Variants in GALNT1 observed in about 807,000 individuals in gnomAD.
GALNT1 encodes the protein GalNAc transferase 1.
In GALNT1, 17 loss-of-function variants were observed where a neutral mutation model predicts 65.7. The observed-to-expected ratio is 0.26, with a 90% confidence interval of 0.18 to 0.39. GALNT1 has a LOEUF of 0.39. GALNT1 is among the 10% of genes least tolerant of loss of function. GALNT1 has a pLI of 1.00. For missense variants in GALNT1, 460 were observed against 672.8 expected, an observed-to-expected ratio of 0.68 and a Z score of 3.50; for synonymous variants, 210 against 219.7, an observed-to-expected ratio of 0.96 and a Z score of 0.39.
At chr18:35,593,230 A>T (rs2046466044) in intron 1 of GALNT1, among the ~76,000 whole-genome samples, 1 of 152,200 alleles carries the variant, frequency 6.6e-6, no homozygotes. Flanking sequence ...TCAGGAAACC[A>T]ATAGAGGAGG....
chr18:35,614,573 A>G (rs1254228771), intron 1 of GALNT1, among the ~76,000 whole-genome samples: 1 of 152,174 alleles, frequency 6.6e-6, no homozygotes, highest in African/African-American at 2.4e-5. Context: ...CCTCTTCACA[A>G]TTGCACTGGA....
At chr18:35,597,952 A>G (rs1220217677) in intron 1 of GALNT1, among the ~76,000 whole-genome samples, 1 of 146,176 alleles carries the variant, frequency 6.8e-6, no homozygotes, top group African/African-American at 2.5e-5. Context: ...AACTATAGTC[A>G]CCTGACTATA....
intron 1 of GALNT1, among the ~76,000 whole-genome samples, chr18:35,610,122 A>G (rs1050928325): frequency 2.6e-5 from 4 of 152,240 alleles, no homozygotes; most frequent in African/African-American, 4.8e-5. Flanking sequence ...CTGTGCAGAC[A>G]TGGAAGCCAG....
intron 8 of GALNT1, 137 bp from the exon 9 acceptor site, chr18:35,692,044 G>A: frequency 1.6e-6 from 1 of 635,718 alleles, no homozygotes; most frequent in South Asian, 2.4e-5. Context: ...TGGATTCATG[G>A]TGTCTCCACT....
chr18:35,634,519 A>G (rs1232453189), intron 1 of GALNT1, among the ~76,000 whole-genome samples: 6 of 152,156 alleles, frequency 3.9e-5, no homozygotes, highest in Non-Finnish European at 8.8e-5. Flanking sequence ...AACAGACACA[A>G]GCTTCCAAGA....
chr18:35,697,328 C>G (rs1221257714), intron 9 of GALNT1, among the ~76,000 whole-genome samples: 2 of 151,944 alleles, frequency 1.3e-5, no homozygotes, highest in African/African-American at 4.8e-5. Context: ...ATCTGATGTC[C>G]CCAAGGTGCT....
chr18:35,655,406 G>A (rs771083017), intron 2 of GALNT1, among the ~76,000 whole-genome samples: 2 of 151,168 alleles, frequency 1.3e-5, no homozygotes, highest in Non-Finnish European at 2.9e-5. Context: ...GGAGGTAATA[G>A]GTAGTACTGA....
intron 3 of GALNT1, among the ~76,000 whole-genome samples, chr18:35,665,034 T>C (rs539111535): frequency 7.9e-5 from 12 of 152,360 alleles, no homozygotes; most frequent in African/African-American, 2.6e-4. Context: ...ATCACCCTTA[T>C]GGAAACTCAT....
chr18:35,704,329 A>G (rs1418131261), intron 11 of GALNT1, among the ~76,000 whole-genome samples: 3 of 138,570 alleles, frequency 2.2e-5, no homozygotes, highest in Admixed American at 7.3e-5. Context: ...TTTTTTTTTG[A>G]GGCAGGGTCT....
At chr18:35,617,857 T>G (rs1241673408) in intron 1 of GALNT1, among the ~76,000 whole-genome samples, 1 of 152,182 alleles carries the variant, frequency 6.6e-6, no homozygotes, top group Admixed American at 6.5e-5. Flanking sequence ...CACATTTAGT[T>G]TTTTTAAAAA....
intron 1 of GALNT1, among the ~76,000 whole-genome samples, chr18:35,588,782 G>C (rs748436339): frequency 1.3e-5 from 2 of 151,748 alleles, no homozygotes. Context: ...TCTTTGTTGA[G>C]GCTTTTTGTT....
intron 1 of GALNT1, among the ~76,000 whole-genome samples, chr18:35,618,689 A>T (rs1403479079): frequency 6.6e-6 from 1 of 152,136 alleles, no homozygotes; most frequent in East Asian, 1.9e-4. Flanking sequence ...TAACTTTCCT[A>T]TTACATTGTT....
chr18:35,680,671 G>C (rs932911981), intron 4 of GALNT1, among the ~76,000 whole-genome samples: 1 of 152,214 alleles, frequency 6.6e-6, no homozygotes, highest in African/African-American at 2.4e-5. Flanking sequence ...TTAACCTGCT[G>C]AGTAACTCTA....
intron 1 of GALNT1, among the ~76,000 whole-genome samples, chr18:35,620,410 T>TA (rs886426943): frequency 3.3e-5 from 5 of 152,100 alleles, no homozygotes; most frequent in Non-Finnish European, 7.4e-5. Context: ...GTTTGATTTG[T>TA]AAAAAAAGAA....
intron 11 of GALNT1, among the ~76,000 whole-genome samples, chr18:35,705,451 T>A (rs1301111981): frequency 6.6e-6 from 1 of 152,216 alleles, no homozygotes; most frequent in Non-Finnish European, 1.5e-5. Flanking sequence ...TTTCACAATG[T>A]CAGGCTATAG....
intron 1 of GALNT1, among the ~76,000 whole-genome samples, chr18:35,604,459 AG>A (rs1366851054): frequency 6.6e-6 from 1 of 152,194 alleles, no homozygotes. Context: ...TGCTGGGTCA[AG>A]TAGTAGTTCT....
intron 1 of GALNT1, among the ~76,000 whole-genome samples, chr18:35,635,354 C>T (rs115680646): frequency 6.6e-6 from 1 of 152,186 alleles, no homozygotes; most frequent in African/African-American, 2.4e-5. Flanking sequence ...AACTGGGGAC[C>T]CCACACCAGA....
intron 5 of GALNT1, among the ~76,000 whole-genome samples, chr18:35,685,595 G>A (rs2047855660): frequency 6.6e-6 from 1 of 151,966 alleles, no homozygotes; most frequent in South Asian, 2.1e-4. Flanking sequence ...TCACCAGTTA[G>A]TATTATTAGA....
chr18:35,694,173 CTGTTT>C (rs1454859844), intron 9 of GALNT1, among the ~76,000 whole-genome samples: 1 of 152,170 alleles, frequency 6.6e-6, no homozygotes, highest in Non-Finnish European at 1.5e-5. Context: ...GTTAAAAACT[CTGTTT>C]TGAAGAGAGA....
Sources: allele counts gnomAD v4.1 joint callset (sites outside exome capture counted in the v4.1 genomes callset), GRCh38; gene constraint gnomAD v4.1.1; transcripts MANE v1.5; gene names NCBI Gene and HGNC (gene_info 2026-07-23, HGNC 2026-07-21).